Variants in TIGD5 observed in about 807,000 individuals in gnomAD.
TIGD5 encodes the protein tigger transposable element-derived protein 5.
TIGD5 carries 24 observed loss-of-function variants against 28.8 expected under a neutral mutation model. The observed-to-expected ratio is 0.83, with a 90% CI of 0.60 to 1.17. The LOEUF (loss-of-function observed/expected upper bound fraction) is 1.17. Ranked by LOEUF, TIGD5 falls within the 50% of genes most tolerant of loss-of-function variation. The pLI is 0.00. For missense variants in TIGD5, 922 were observed against 911.4 expected (o/e 1.01, Z -0.15); for synonymous variants, 538 against 430.5 (o/e 1.25, Z -3.09).
In TIGD5 at chr8:143,599,607, G is replaced by T. The variant is rs10282929; in HGVS notation, c.1704G>T (p.Met568Ile). 0.76 allele frequency: 1,153,675 copies of T among 1,525,814 alleles called. 443,368 individuals are homozygous for T. Among genetic ancestry groups the T allele is most frequent in the Non-Finnish European group, 0.79 (904,463 of 1,139,440 alleles). The allele number at this position is 1,525,814 out of a possible 1,614,324, so 94.5% of individuals were successfully genotyped here. ...CCCCAGCCAGTCTGCCCTCTGCCAT[G>T]GGGGGCGGAGAGGACGAGGAGGAGG... ...PPAPASLPSA[M>I]GGGEDEEEAT... is the part of the protein sequence containing the mutation. Residue 568 changes from methionine (M) to isoleucine (I), a missense_variant, in exon 1 of 1, where the codon ATG becomes ATT. Met to Ile is a conservative substitution (Grantham distance 10). Transcript: ENST00000504548.
Position 143,598,693 on chromosome 8 carries a change from G to C in TIGD5, c.790G>C (p.Gly264Arg). 1 of 1,499,828 alleles carries C rather than the reference G, an allele frequency of 6.7e-7. No homozygotes were observed. The highest frequency in any genetic ancestry group is 1.3e-5 in the South Asian group (1 of 79,458). The allele number at this position is 1,499,828 out of a possible 1,614,324, so 92.9% of individuals were successfully genotyped here. A position where few individuals can be genotyped will look rare whatever the true frequency, so the allele number is the denominator to read the frequency against. Residue 264 changes from glycine to arginine, a missense_variant, in exon 1 of 1, where the codon GGG (glycine) becomes CGG (arginine). Transcript: ENST00000504548. The surrounding 1 kb of genome is among the most constrained non-coding windows in gnomAD (Gnocchi z 6.6). ...CCCGGGCGCAGGGGACCCCGGGGCG[G>C]GGGGCTGTGGCCGGCGCTGGCGGGG... Reference protein sequence around the residue: ...APPGAGDPGAGGCGRRWRGDR... With the variant: ...APPGAGDPGARGCGRRWRGDR...
chr8:143,598,819 C>G lies in TIGD5; in HGVS notation c.916C>G (p.His306Asp), dbSNP rs752782901. Reference sequence around the variant, plus strand: ...GCCGGACCCGCCCAGCCTGCGCCACCACAACCAGGACAAGTTCCCGGCCTC... The same window carrying G: ...GCCGGACCCGCCCAGCCTGCGCCACGACAACCAGGACAAGTTCCCGGCCTC... Reference protein sequence around the residue: ...RLPDPPSLRHHNQDKFPASYR... With the variant: ...RLPDPPSLRHDNQDKFPASYR... The change falls in exon 1 of 1, where the codon CAC becomes GAC. Residue 306 changes from histidine (H) to aspartate (D), a missense_variant. Around this residue, in one of 3 missense-constraint regions of TIGD5, gnomAD observed 821 missense variants for 815.2 expected, o/e 1.01. Transcript: ENST00000504548. This position sits in a 1 kb window ranked among gnomAD's most constrained non-coding sequence, Gnocchi z 6.6. 1 of 1,601,142 alleles carries G rather than the reference C, an allele frequency of 6.2e-7. No individual in the cohort carries two copies. Among genetic ancestry groups the G allele is most frequent in the Non-Finnish European group, 8.5e-7 (1 of 1,179,548 alleles).
chr8:143,598,275 C>T lies in TIGD5; in HGVS notation c.372C>T (p.Ile124=). 5.0e-6 allele frequency: 8 copies of T among 1,609,738 alleles called. No homozygotes were observed. The highest frequency in any genetic ancestry group is 6.8e-6 in the Non-Finnish European group (8 of 1,178,784). ...KKMRLANEEE[I]DRAVYAWFLA... is the part of the protein sequence containing the mutation. ...TGCGGCTGGCCAACGAGGAGGAGATCGACCGCGCCGTGTACGCCTGGTTCC... is the reference window on the plus strand; with the variant it reads ...TGCGGCTGGCCAACGAGGAGGAGATTGACCGCGCCGTGTACGCCTGGTTCC... Residue 124 remains isoleucine, a synonymous_variant, in exon 1 of 1, where the codon ATC becomes ATT. Coordinates refer to ENST00000504548, the MANE Select transcript of TIGD5 (RefSeq NM_032862.5). This position sits in a 1 kb window ranked among gnomAD's most constrained non-coding sequence, Gnocchi z 6.6.
Position 143,601,899 on chromosome 8 carries a change from A to C in TIGD5, c.*2067A>C, listed in dbSNP as rs1487770913. ...CACCTGAGATTGGGAGTTCGAGACC[A>C]GCCTGGCCAACATGGTGAAAACCCC... On this transcript the variant is annotated 3_prime_UTR_variant, in exon 1 of 1. Transcript: ENST00000504548. 6.6e-6 allele frequency: 1 copy of C among 152,180 alleles called. No homozygotes were observed. The highest frequency in any genetic ancestry group is 1.5e-5 in the Non-Finnish European group (1 of 68,036). The allele number at this position is 152,180 out of a possible 1,614,324, so 9.4% of individuals were successfully genotyped here. A position where few individuals can be genotyped will look rare whatever the true frequency, so the allele number is the denominator to read the frequency against.
rs760265215 is a variant in TIGD5 at position 143,598,185 on chromosome 8, C to T, written c.282C>T (p.Asp94=). 6.2e-6 allele frequency: 10 copies of T among 1,603,874 alleles called. No individual in the cohort carries two copies. Among genetic ancestry groups the T allele is most frequent in the Non-Finnish European group, 8.5e-6 (10 of 1,176,104 alleles). The change falls in exon 1 of 1, where the codon GAC becomes GAT. Residue 94 remains aspartate, a synonymous_variant. Coordinates refer to ENST00000504548, the MANE Select transcript of TIGD5 (RefSeq NM_032862.5). The surrounding 1 kb of genome is among the most constrained non-coding windows in gnomAD (Gnocchi z 6.6). The stretch of plus-strand genomic sequence containing the variant: ...GGACGCTGCGCGGCTGGCTCAAGGA[C>T]GAGCCCAAGCTGCGCTGGTTCCTGG... ...PGGTLRGWLK[D]EPKLRWFLEQ... is the part of the protein sequence containing the mutation.
chr8:143,599,654 C>T lies in TIGD5; in HGVS notation c.1751C>T (p.Ser584Leu). ...EEEATDYGGTSVPTAGEAVRG... is the reference protein window; with the variant it reads ...EEEATDYGGTLVPTAGEAVRG... ...GAGGCCACCGACTATGGAGGGACCTCAGTGCCGACTGCCGGGGAGGCCGTG... is the reference window on the plus strand; with the variant it reads ...GAGGCCACCGACTATGGAGGGACCTTAGTGCCGACTGCCGGGGAGGCCGTG... The change falls in exon 1 of 1, where the codon TCA becomes TTA. Residue 584 changes from serine to leucine, a missense_variant. This residue lies in a region of TIGD5 where 821 missense variants were observed against 815.2 expected (regional missense o/e 1.01). Coordinates refer to ENST00000504548, the MANE Select transcript of TIGD5 (RefSeq NM_032862.5). 2 of 1,520,012 alleles carry T rather than the reference C, an allele frequency of 1.3e-6. No homozygotes were observed. Among genetic ancestry groups the T allele is most frequent in the Non-Finnish European group, 1.8e-6 (2 of 1,136,860 alleles). 94.2% of individuals were successfully genotyped at this position (1,520,012 alleles called of 1,614,324 possible).
chr8:143,599,154 G>A lies in TIGD5; in HGVS notation c.1251G>A (p.Leu417=), dbSNP rs775368082. The change falls in exon 1 of 1, where the codon CTG becomes CTA. Residue 417 remains leucine, a synonymous_variant. Transcript: ENST00000504548. ...GSSRAHIPAP[L]EQGVVAAFKQ... is the part of the protein sequence containing the mutation. ...GCCGGGCACATATCCCCGCACCGCT[G>A]GAGCAGGGCGTGGTGGCCGCCTTCA... is the stretch of plus-strand genomic sequence containing the variant. 3.7e-6 allele frequency: 6 copies of A among 1,605,462 alleles called. No homozygotes were observed. The highest frequency in any genetic ancestry group is 1.1e-5 in the South Asian group (1 of 90,018).
rs552463439 is a variant in TIGD5 at position 143,600,051 on chromosome 8, A to G, written c.*219A>G. 5.1e-5 allele frequency: 23 copies of G among 450,528 alleles called. No individual in the cohort carries two copies. In the South Asian group the frequency reaches 1.7e-3, roughly 33 times the overall value. 27.9% of individuals were successfully genotyped at this position (450,528 alleles called of 1,614,324 possible). A position where few individuals can be genotyped will look rare whatever the true frequency, so the allele number is the denominator to read the frequency against. ...CACAGCTGGAAGAGAGGCCTGGCCC[A>G]TGCTCCTCTCAGGGCAGGCACATGT... On this transcript the variant is annotated 3_prime_UTR_variant, in exon 1 of 1. Transcript: ENST00000504548.
Position 143,597,942 on chromosome 8 carries a change from C to G in TIGD5, c.39C>G (p.Arg13=). The change falls in exon 1 of 1, where the codon CGC becomes CGG. Residue 13 remains arginine (R), a synonymous_variant. Coordinates refer to ENST00000504548, the MANE Select transcript of TIGD5 (RefSeq NM_032862.5). ...PAGPPAGPVP[R]RGRRPLPGPP... Reference sequence around the variant, plus strand: ...GCCCCCCGGCCGGCCCGGTACCGCGCCGCGGCCGCCGTCCCCTGCCCGGGC... The same window carrying G: ...GCCCCCCGGCCGGCCCGGTACCGCGGCGCGGCCGCCGTCCCCTGCCCGGGC... 1.1e-6 allele frequency: 1 copy of G among 877,090 alleles called. No individual in the cohort carries two copies. The highest frequency in any genetic ancestry group is 1.4e-6 in the Non-Finnish European group (1 of 733,802). 54.3% of individuals were successfully genotyped at this position (877,090 alleles called of 1,614,324 possible).
chr8:143,600,025 G>T lies in TIGD5; in HGVS notation c.*193G>T. On this transcript the variant is annotated 3_prime_UTR_variant, in exon 1 of 1. Transcript: ENST00000504548. ...GCCCTGCCTCACTGGCACCCTGGGG[G>T]CACAGCTGGAAGAGAGGCCTGGCCC... The T allele has an allele frequency of 1.9e-6, 1 of 527,220 alleles. No homozygotes were observed. Among genetic ancestry groups the T allele is most frequent in the Admixed American group, 3.8e-5 (1 of 26,154 alleles). 32.7% of individuals were successfully genotyped at this position (527,220 alleles called of 1,614,324 possible). A position where few individuals can be genotyped will look rare whatever the true frequency, so the allele number is the denominator to read the frequency against.
In TIGD5 at chr8:143,599,435, G is replaced by A. The variant is rs1829215984; in HGVS notation, c.1532G>A (p.Ser511Asn). The change falls in exon 1 of 1, where the codon AGC (serine) becomes AAC (asparagine). Residue 511 changes from serine to asparagine, a missense_variant. By Grantham distance (46) the Ser-to-Asn change is conservative. Coordinates refer to ENST00000504548, the MANE Select transcript of TIGD5 (RefSeq NM_032862.5). ...GCCGCCGAGCACAGCAGGGTGCTCA[G>A]CGACCTCACCCACCTGGCGGCTCTG... ...EEAAEHSRVL[S>N]DLTHLAALAY... 1.3e-6 allele frequency: 2 copies of A among 1,575,268 alleles called. No individual in the cohort carries two copies. The highest frequency in any genetic ancestry group is 1.4e-5 in the African/African-American group (1 of 74,040).
Position 143,599,241 on chromosome 8 carries a change from G to A in TIGD5, c.1338G>A (p.Leu446=), listed in dbSNP as rs779175689. The A allele has an allele frequency of 6.2e-7, 1 of 1,611,734 alleles. No individual in the cohort carries two copies. The highest frequency in any genetic ancestry group is 8.5e-7 in the Non-Finnish European group (1 of 1,179,694). Residue 446 remains leucine (L), a synonymous_variant, in exon 1 of 1, where the codon CTG becomes CTA. Coordinates refer to ENST00000504548, the MANE Select transcript of TIGD5 (RefSeq NM_032862.5). The part of the protein sequence containing the change: ...LAVSCASGSP[L]DFMRSFMLKD... ...TGTCCTGCGCCAGCGGCTCCCCGCT[G>A]GACTTCATGCGCAGCTTCATGCTCA... is the stretch of plus-strand genomic sequence containing the variant.
At position 143,598,503 on chromosome 8, in the gene TIGD5, C is replaced by CCCG. The variant is rs1381383390; in HGVS notation, c.603_605dup (p.Pro202dup). On this transcript the variant is annotated inframe_insertion, in exon 1 of 1. Transcript: ENST00000504548. This position sits in a 1 kb window ranked among gnomAD's most constrained non-coding sequence, Gnocchi z 6.6. ...CCCCAGCCCCGAGCCCCGCGCCCGG[C>CCCG]CCGCCCGTCAAGGAGGAGCCCGCGC... 37 of 1,367,898 alleles carry CCCG rather than the reference C, an allele frequency of 2.7e-5. No individual in the cohort carries two copies. The highest frequency in any genetic ancestry group is 3.5e-5 in the Non-Finnish European group (37 of 1,066,350). 84.7% of individuals were successfully genotyped at this position (1,367,898 alleles called of 1,614,324 possible).
At position 143,598,039 on chromosome 8, in the gene TIGD5, G is replaced by A. The variant is rs1056547226; in HGVS notation, c.136G>A (p.Val46Met). ...CCCCGCGCCCGGGCCGCGGCCCCGC[G>A]TGGCCGTGAAGATGGCCTTCCGCAA... ...PPPAPGPRPR[V>M]AVKMAFRKAY... Residue 46 changes from valine (V) to methionine (M), a missense_variant, in exon 1 of 1, where the codon GTG (valine) becomes ATG (methionine). By Grantham distance (21) the Val-to-Met change is conservative. Around this residue, in one of 3 missense-constraint regions of TIGD5, gnomAD observed 87 missense variants for 60.9 expected, o/e 1.43. Coordinates refer to ENST00000504548, the MANE Select transcript of TIGD5 (RefSeq NM_032862.5). This position sits in a 1 kb window ranked among gnomAD's most constrained non-coding sequence, Gnocchi z 6.6. 11 of 1,340,650 alleles carry A rather than the reference G, an allele frequency of 8.2e-6. No homozygotes were observed. The highest frequency in any genetic ancestry group is 1.1e-5 in the Non-Finnish European group (11 of 1,047,604). The allele number at this position is 1,340,650 out of a possible 1,614,324, so 83.0% of individuals were successfully genotyped here. A position where few individuals can be genotyped will look rare whatever the true frequency, so the allele number is the denominator to read the frequency against.
Position 143,599,731 on chromosome 8 carries a change from G to A in TIGD5, c.1828G>A (p.Val610Met). The A allele has an allele frequency of 6.6e-7, 1 of 1,504,508 alleles. No individual in the cohort carries two copies. The allele number at this position is 1,504,508 out of a possible 1,614,324, so 93.2% of individuals were successfully genotyped here. ...RWLENQDPRE[V>M]GPLRLVQLRS... ...GCTGGAGAACCAGGACCCCAGAGAG[G>A]TGGGGCCACTGAGGCTGGTGCAGTT... is the stretch of plus-strand genomic sequence containing the variant. The change falls in exon 1 of 1, where the codon GTG (valine) becomes ATG (methionine). Residue 610 changes from valine (V) to methionine (M), a missense_variant. Around this residue, in one of 3 missense-constraint regions of TIGD5, gnomAD observed 821 missense variants for 815.2 expected, o/e 1.01. Coordinates refer to ENST00000504548, the MANE Select transcript of TIGD5 (RefSeq NM_032862.5).
chr8:143,600,077 A>T lies in TIGD5; in HGVS notation c.*245A>T, dbSNP rs1015143305. On this transcript the variant is annotated 3_prime_UTR_variant, in exon 1 of 1. Coordinates refer to ENST00000504548, the MANE Select transcript of TIGD5 (RefSeq NM_032862.5). ...TGCTCCTCTCAGGGCAGGCACATGT[A>T]CGGGGCATACAAGGCACAGCGCCTG... 1 of 413,018 alleles carries T rather than the reference A, an allele frequency of 2.4e-6. No individual in the cohort carries two copies. The highest frequency in any genetic ancestry group is 2.1e-5 in the African/African-American group (1 of 48,650). The allele number at this position is 413,018 out of a possible 1,614,324, so 25.6% of individuals were successfully genotyped here. A position where few individuals can be genotyped will look rare whatever the true frequency, so the allele number is the denominator to read the frequency against.
Position 143,598,972 on chromosome 8 carries a change from G to C in TIGD5, c.1069G>C (p.Val357Leu). ...CCTGCAGCAGAAGGCCGTGCTGCTG[G>C]TGGCCCACCCGCCCTGCCCAAGCCC... Reference protein sequence around the residue: ...SCLQQKAVLLVAHPPCPSPAA... With the variant: ...SCLQQKAVLLLAHPPCPSPAA... Residue 357 changes from valine (V) to leucine (L), a missense_variant, in exon 1 of 1, where the codon GTG (valine) becomes CTG (leucine). Physicochemically the swap from Val to Leu is conservative, Grantham distance 32 (BLOSUM62 1). Coordinates refer to ENST00000504548, the MANE Select transcript of TIGD5 (RefSeq NM_032862.5). The surrounding 1 kb of genome is among the most constrained non-coding windows in gnomAD (Gnocchi z 6.6). 1 of 1,578,688 alleles carries C rather than the reference G, an allele frequency of 6.3e-7. No individual in the cohort carries two copies. Among genetic ancestry groups the C allele is most frequent in the Non-Finnish European group, 8.5e-7 (1 of 1,170,944 alleles).
In TIGD5 at chr8:143,599,920, G is replaced by A. The variant is rs1829233527; in HGVS notation, c.*88G>A. ...CCCATCTCTCCTCCCCTCCCCCTGGGGTGGCCCACCGCATGGGTACAGGGG... is the reference window on the plus strand; with the variant it reads ...CCCATCTCTCCTCCCCTCCCCCTGGAGTGGCCCACCGCATGGGTACAGGGG... On this transcript the variant is annotated 3_prime_UTR_variant, in exon 1 of 1. Transcript: ENST00000504548. 1 of 1,378,986 alleles carries A rather than the reference G, an allele frequency of 7.3e-7. No individual in the cohort carries two copies. Among genetic ancestry groups the A allele is most frequent in the Non-Finnish European group, 9.4e-7 (1 of 1,063,770 alleles). 85.4% of individuals were successfully genotyped at this position (1,378,986 alleles called of 1,614,324 possible). A position where few individuals can be genotyped will look rare whatever the true frequency, so the allele number is the denominator to read the frequency against.
Position 143,601,368 on chromosome 8 carries a change from C to T in TIGD5, c.*1536C>T, listed in dbSNP as rs1829259836. The T allele has an allele frequency of 6.6e-6, 1 of 152,268 alleles. No individual in the cohort carries two copies. Among genetic ancestry groups the T allele is most frequent in the African/African-American group, 2.4e-5 (1 of 41,480 alleles). The allele number at this position is 152,268 out of a possible 1,614,324, so 9.4% of individuals were successfully genotyped here. On this transcript the variant is annotated 3_prime_UTR_variant, in exon 1 of 1. Transcript: ENST00000504548. ...GAGCCCATCAGGCCACCGCCACCTGCAGGAAGAGCCTCTGGCCTGAACTGC... is the reference window on the plus strand; with the variant it reads ...GAGCCCATCAGGCCACCGCCACCTGTAGGAAGAGCCTCTGGCCTGAACTGC...
Sources: allele counts gnomAD v4.1 joint callset, GRCh38; gene constraint gnomAD v4.1.1; regional missense constraint gnomAD v4.1.1; non-coding constraint Gnocchi (gnomAD v3.1); transcripts MANE v1.5; gene names NCBI Gene and HGNC (gene_info 2026-07-23, HGNC 2026-07-21).